PTPRM: variants seen among roughly 807,000 people sequenced by gnomAD.
PTPRM encodes receptor-type tyrosine-protein phosphatase mu.
In PTPRM, 47 loss-of-function variants were observed where a neutral mutation model predicts 186.7. The observed-to-expected ratio is 0.25, with a 90% CI of 0.20 to 0.32. The LOEUF (loss-of-function observed/expected upper bound fraction) is 0.32. Among genes scored for constraint, PTPRM ranks in the 10% least tolerant of loss-of-function variants. The pLI is 1.00. For missense variants in PTPRM, 1,494 were observed against 1,865.0 expected (o/e 0.80, Z 3.66); for synonymous variants, 668 against 674.9 (o/e 0.99, Z 0.16).
intron 7 of PTPRM, among the ~76,000 whole-genome samples, chr18:7,959,331 T>C (rs922449578): frequency 6.6e-6 from 1 of 152,226 alleles, no homozygotes; most frequent in African/African-American, 2.4e-5. Flanking sequence ...TGTGGGCTCA[T>C]AGAATTCTTT....
chr18:7,590,957 T>C (rs1050065838), intron 1 of PTPRM, among the ~76,000 whole-genome samples: 1 of 152,230 alleles, frequency 6.6e-6, no homozygotes, highest in Non-Finnish European at 1.5e-5. Context: ...GAATTTTGAA[T>C]CCATGAGTGT....
chr18:7,794,815 A>G (rs1181412602), intron 2 of PTPRM, among the ~76,000 whole-genome samples: 1 of 152,188 alleles, frequency 6.6e-6, no homozygotes, highest in Non-Finnish European at 1.5e-5. Flanking sequence ...TTAATATGCC[A>G]GGGACCTCAC....
chr18:7,761,198 C>A (rs186142725), intron 1 of PTPRM, among the ~76,000 whole-genome samples: 3 of 152,044 alleles, frequency 2.0e-5, no homozygotes, highest in African/African-American at 7.3e-5. Context: ...TTGCTCAGAG[C>A]TTGGAGAATT....
At chr18:8,017,614 G>T (rs139444784) in intron 7 of PTPRM, among the ~76,000 whole-genome samples, 1 of 147,542 alleles carries the variant, frequency 6.8e-6, no homozygotes, top group Non-Finnish European at 1.5e-5. Flanking sequence ...AAATTAGAGC[G>T]TCCTCAGTGC....
At chr18:7,578,504 T>G (rs2143455990) in intron 1 of PTPRM, among the ~76,000 whole-genome samples, 1 of 151,806 alleles carries the variant, frequency 6.6e-6, no homozygotes, top group Admixed American at 6.6e-5. Flanking sequence ...CCCGGCTAAT[T>G]TTTTGTATTT....
chr18:7,772,359 CTTTCTTTCTTTCTTTCT>C (rs2042333941), intron 1 of PTPRM, among the ~76,000 whole-genome samples: 2 of 43,170 alleles, frequency 4.6e-5, no homozygotes, highest in Admixed American at 6.7e-4. Context: ...CTCTTTCTTT[CTTTCTTTCTTTCTTTCT>C]TTCTTTCTTT....
At chr18:8,251,876 CT>C (rs2147379491) in intron 17 of PTPRM, 1 of 152,316 alleles carries the variant, frequency 6.6e-6, no homozygotes, top group Non-Finnish European at 1.5e-5. Context: ...TTGAATATAT[CT>C]TTTATATGTT....
intron 1 of PTPRM, among the ~76,000 whole-genome samples, chr18:7,589,825 G>A (rs1211095392): frequency 1.3e-5 from 2 of 152,196 alleles, no homozygotes; most frequent in Non-Finnish European, 1.5e-5. Context: ...CATGCTGTAA[G>A]TAAATGTTTT....
At chr18:7,821,573 A>G (rs34294315) in intron 2 of PTPRM, among the ~76,000 whole-genome samples, 78,988 of 152,034 alleles carry the variant, frequency 0.52, 22,234 homozygotes, top group East Asian at 0.78. Context: ...TTTCCTATGC[A>G]TATATACCTA....
chr18:7,615,522 C>A (rs2037781521), intron 1 of PTPRM, among the ~76,000 whole-genome samples: 1 of 152,104 alleles, frequency 6.6e-6, no homozygotes, highest in African/African-American at 2.4e-5. Context: ...TCTGAGGAGC[C>A]ATCCCTGTCA....
rs905188159 is a variant in PTPRM at position 7,772,006 on chromosome 18, C to T, written c.74-2143C>T. Among the ~76,000 whole-genome samples, 11 of 152,152 alleles carry T rather than the reference C, an allele frequency of 7.2e-5. 1 individual carries two copies. Among genetic ancestry groups the T allele is most frequent in the Admixed American group, 2.6e-4 (4 of 15,282 alleles). Reference sequence around the variant, plus strand: ...CAAAAGCCGTATGGGATTTCAGGCTCGCAGAAGCTGAGAATGGACCAGCAC... The same window carrying T: ...CAAAAGCCGTATGGGATTTCAGGCTTGCAGAAGCTGAGAATGGACCAGCAC... On this transcript the variant is annotated intron_variant, in intron 1 of 32. Coordinates refer to ENST00000580170, the MANE Select transcript of PTPRM (RefSeq NM_001105244.2).
chr18:7,681,798 A>AT (rs2039487948), intron 1 of PTPRM, among the ~76,000 whole-genome samples: 1 of 152,174 alleles, frequency 6.6e-6, no homozygotes, highest in South Asian at 2.1e-4. Flanking sequence ...TGGTCTTCTC[A>AT]TACCTATGGC....
chr18:7,591,815 C>T (rs2037133169), intron 1 of PTPRM, among the ~76,000 whole-genome samples: 1 of 152,048 alleles, frequency 6.6e-6, no homozygotes, highest in Non-Finnish European at 1.5e-5. Flanking sequence ...TTTTATGAAC[C>T]GTGATTGACA....
At chr18:8,085,629 C>A in intron 9 of PTPRM, 42 bp from the exon 10 acceptor site, 1 of 1,486,848 alleles carries the variant, frequency 6.7e-7, no homozygotes, top group Non-Finnish European at 9.4e-7. Context: ...AATCTGAGTC[C>A]ATCTGCTCCA....
intron 1 of PTPRM, among the ~76,000 whole-genome samples, chr18:7,692,480 A>T (rs573848837): frequency 1.3e-5 from 2 of 152,364 alleles, no homozygotes; most frequent in African/African-American, 4.8e-5. Flanking sequence ...AACCTTTCTT[A>T]AAAAACTGGG....
intron 8 of PTPRM, among the ~76,000 whole-genome samples, chr18:8,074,202 T>C (rs150949296): frequency 2.6e-5 from 4 of 152,278 alleles, no homozygotes; most frequent in African/African-American, 7.2e-5. Context: ...TGTGGTAGTC[T>C]TAGCAATCAT....
chr18:8,057,340 C>T lies in PTPRM; in HGVS notation c.1133-12346C>T, dbSNP rs898401312. 5.3e-4 allele frequency among the ~76,000 whole-genome samples: 79 copies of T among 149,548 alleles called. 2 individuals carry two copies. The highest frequency in any genetic ancestry group is 1.8e-3 in the African/African-American group (74 of 40,566). On this transcript the variant is annotated intron_variant, in intron 7 of 32. Transcript: ENST00000580170. ...GTTTTAAAGGTTTTATTACTTAAAA[C>T]TTCAAAAACCCTAAACACCAACAAA...
chr18:7,592,785 TAAATAC>T (rs1218172894), intron 1 of PTPRM, among the ~76,000 whole-genome samples: 3 of 152,182 alleles, frequency 2.0e-5, no homozygotes, highest in Non-Finnish European at 4.4e-5. Flanking sequence ...GTTTGATTGA[TAAATAC>T]AAAGGCAGGT....
At chr18:8,082,515 C>T (rs916187391) in intron 9 of PTPRM, among the ~76,000 whole-genome samples, 1 of 146,846 alleles carries the variant, frequency 6.8e-6, no homozygotes, top group Non-Finnish European at 1.5e-5. Context: ...CCCTCCCTCC[C>T]TCTCACCCTC....
Sources: allele counts gnomAD v4.1 joint callset (sites outside exome capture counted in the v4.1 genomes callset), GRCh38; gene constraint gnomAD v4.1.1; transcripts MANE v1.5; gene names NCBI Gene and HGNC (gene_info 2026-07-23, HGNC 2026-07-21).